Variants in UBE2H observed in about 807,000 individuals in gnomAD.
UBE2H encodes ubiquitin conjugating enzyme E2 H.
Under a neutral mutation model 29.0 loss-of-function variants are expected in UBE2H, and 3 were observed. That is an observed-to-expected ratio of 0.10 (90% confidence interval 0.05 to 0.27). The LOEUF (loss-of-function observed/expected upper bound fraction) is 0.27. UBE2H is among the 10% of genes least tolerant of loss of function. The probability of loss-of-function intolerance (pLI) is 1.00; values close to 1 mark genes in which losing one functional copy is unlikely to be tolerated. For missense variants in UBE2H, 68 were observed against 228.2 expected (o/e 0.30, Z 4.52); for synonymous variants, 69 against 82.9 (o/e 0.83, Z 0.91).
intron 1 of UBE2H, among the ~76,000 whole-genome samples, chr7:129,909,195 T>C (rs1375629745): frequency 6.6e-6 from 1 of 152,038 alleles, no homozygotes; most frequent in Non-Finnish European, 1.5e-5. Flanking sequence ...TAAAGAACTA[T>C]GTAATATAAG....
intron 1 of UBE2H, among the ~76,000 whole-genome samples, chr7:129,913,760 CG>C (rs560928937): frequency 2.0e-5 from 3 of 151,908 alleles, no homozygotes; most frequent in Non-Finnish European, 4.4e-5. Context: ...GCTATGATTA[CG>C]CCACTGTACT....
intron 1 of UBE2H, among the ~76,000 whole-genome samples, chr7:129,938,881 C>G (rs1003580127): frequency 2.6e-5 from 4 of 151,746 alleles, no homozygotes; most frequent in Admixed American, 2.6e-4. Context: ...TCCCTGCAAC[C>G]TCCACCTCCT....
At chr7:129,931,403 A>G (rs540042671) in intron 1 of UBE2H, among the ~76,000 whole-genome samples, 1 of 152,188 alleles carries the variant, frequency 6.6e-6, no homozygotes, top group Non-Finnish European at 1.5e-5. Context: ...AAGAAAAAAA[A>G]AACCTGAAGA....
At chr7:129,933,510 C>A (rs982837649) in intron 1 of UBE2H, among the ~76,000 whole-genome samples, 1 of 152,164 alleles carries the variant, frequency 6.6e-6, no homozygotes, top group Non-Finnish European at 1.5e-5. Context: ...CACCAGGAAT[C>A]AAACAATCTC....
intron 1 of UBE2H, among the ~76,000 whole-genome samples, chr7:129,892,016 G>A (rs1208821156): frequency 2.1e-5 from 3 of 143,906 alleles, no homozygotes; most frequent in Admixed American, 7.2e-5. Context: ...GTAGGGGTGT[G>A]ATCTGGGCTC....
rs1805214439 is a variant in UBE2H at position 129,830,930 on chromosome 7, G to A, written c.*4007C>T. On this transcript the variant is annotated 3_prime_UTR_variant, in exon 7 of 7. Coordinates refer to ENST00000355621, the MANE Select transcript of UBE2H (RefSeq NM_003344.4). ...GATAAAAAGCTTCAGATTTCAGTTA[G>A]GGGCTGGCAGTCCCTTTTATCTTTT... 2 of 151,092 alleles carry A rather than the reference G, an allele frequency of 1.3e-5. No individual in the cohort carries two copies. Among genetic ancestry groups the A allele is most frequent in the Non-Finnish European group, 2.9e-5 (2 of 67,892 alleles). 9.4% of individuals were successfully genotyped at this position (151,092 alleles called of 1,614,324 possible).
intron 1 of UBE2H, among the ~76,000 whole-genome samples, chr7:129,944,038 T>A (rs1299904614): frequency 6.6e-6 from 1 of 152,202 alleles, no homozygotes; most frequent in African/African-American, 2.4e-5. Flanking sequence ...TTTAAGAGCA[T>A]GTAATTTAAC....
At chr7:129,915,490 C>G (rs1362306814) in intron 1 of UBE2H, among the ~76,000 whole-genome samples, 2 of 152,060 alleles carry the variant, frequency 1.3e-5, no homozygotes, top group Admixed American at 1.3e-4. Context: ...GCCGAGATTG[C>G]GCCACTGCAC....
intron 1 of UBE2H, among the ~76,000 whole-genome samples, chr7:129,906,846 T>TA (rs901283264): frequency 2.0e-5 from 3 of 152,190 alleles, no homozygotes; most frequent in African/African-American, 7.2e-5. Context: ...AGACCTACTT[T>TA]AAACGCTTAA....
chr7:129,873,298 C>A (rs905370125), intron 3 of UBE2H, among the ~76,000 whole-genome samples: 2 of 152,166 alleles, frequency 1.3e-5, no homozygotes. Flanking sequence ...GGATTACAGG[C>A]ATGAGCCACC....
At chr7:129,931,185 C>A (rs1418841372) in intron 1 of UBE2H, among the ~76,000 whole-genome samples, 1 of 151,584 alleles carries the variant, frequency 6.6e-6, no homozygotes, top group Non-Finnish European at 1.5e-5. Context: ...TGTGCCACTG[C>A]ACTCCAGCCT....
At chr7:129,912,602 T>TACA (rs1806959317) in intron 1 of UBE2H, among the ~76,000 whole-genome samples, 1 of 152,202 alleles carries the variant, frequency 6.6e-6, no homozygotes, top group African/African-American at 2.4e-5. Flanking sequence ...AAACAAAGTT[T>TACA]GTGTTAAGTA....
At chr7:129,848,186 G>A (rs1481858760) in intron 5 of UBE2H, among the ~76,000 whole-genome samples, 1 of 152,030 alleles carries the variant, frequency 6.6e-6, no homozygotes, top group East Asian at 1.9e-4. Flanking sequence ...TCACGCTGCT[G>A]CACTCCAGCC....
chr7:129,854,027 C>G (rs959124961), intron 5 of UBE2H, among the ~76,000 whole-genome samples: 1 of 148,100 alleles, frequency 6.8e-6, no homozygotes, highest in Non-Finnish European at 1.5e-5. Flanking sequence ...TATGTTGACA[C>G]GCCAACTTTC....
At chr7:129,878,540 G>A (rs1238790416) in intron 3 of UBE2H, among the ~76,000 whole-genome samples, 4 of 151,994 alleles carry the variant, frequency 2.6e-5, no homozygotes, top group African/African-American at 4.8e-5. Flanking sequence ...AAAATTAGCC[G>A]GGTGTGGTGG....
intron 1 of UBE2H, among the ~76,000 whole-genome samples, chr7:129,921,603 G>A (rs911452596): frequency 1.3e-5 from 2 of 149,828 alleles, no homozygotes; most frequent in Non-Finnish European, 3.0e-5. Context: ...GGAGGCTGAG[G>A]CAGGAGAATC....
intron 5 of UBE2H, among the ~76,000 whole-genome samples, chr7:129,850,831 G>A (rs1805595269): frequency 7.0e-6 from 1 of 143,824 alleles, no homozygotes; most frequent in African/African-American, 2.6e-5. Context: ...GAAAGAGAGA[G>A]AGAGAGAAAG....
chr7:129,866,276 T>C (rs552282792), intron 3 of UBE2H, among the ~76,000 whole-genome samples: 33 of 152,284 alleles, frequency 2.2e-4, no homozygotes, highest in Admixed American at 9.2e-4. Context: ...TCTGGTAATA[T>C]AGAGTCTGAG....
At chr7:129,859,916 T>C (rs1452039811) in intron 3 of UBE2H, among the ~76,000 whole-genome samples, 4 of 152,104 alleles carry the variant, frequency 2.6e-5, no homozygotes, top group Non-Finnish European at 2.9e-5. Context: ...AGAACATATT[T>C]GGTCAGCACC....
Sources: allele counts gnomAD v4.1 joint callset (sites outside exome capture counted in the v4.1 genomes callset), GRCh38; gene constraint gnomAD v4.1.1; transcripts MANE v1.5; gene names NCBI Gene and HGNC (gene_info 2026-07-23, HGNC 2026-07-21).